The following C2orf76 variants were observed in gnomAD, a reference collection of about 807,000 sequenced individuals.
C2orf76 encodes the protein UPF0538 protein C2orf76.
Under a neutral mutation model 16.9 loss-of-function variants are expected in C2orf76, and 23 were observed. The observed-to-expected ratio is 1.36, with a 90% CI of 0.98 to 1.93. The LOEUF (loss-of-function observed/expected upper bound fraction) is 1.93. Ranked by LOEUF, C2orf76 falls within the 30% of genes most tolerant of loss-of-function variation. C2orf76 has a pLI of 0.00. For synonymous variants in C2orf76, 48 were observed against 52.3 expected (o/e 0.92, Z 0.35); for missense variants, 152 against 152.6 (o/e 1.00, Z 0.02).
At chr2:119,309,189 G>A (rs534595960) in intron 5 of C2orf76, among the ~76,000 whole-genome samples, 1 of 152,112 alleles carries the variant, frequency 6.6e-6, no homozygotes, top group African/African-American at 2.4e-5. Flanking sequence ...ACTGCACCTG[G>A]CCCCAGACTA....
chr2:119,289,646 A>C, the C2orf76 span, among the ~76,000 whole-genome samples: 5 of 151,322 alleles, frequency 3.3e-5, no homozygotes, highest in Admixed American at 2.6e-4. Context: ...AGATCGTACC[A>C]CTGCACTCCA....
At chr2:119,354,607 C>A (rs1232957027) in intron 1 of C2orf76, among the ~76,000 whole-genome samples, 2 of 152,158 alleles carry the variant, frequency 1.3e-5, no homozygotes, top group East Asian at 3.8e-4. Context: ...AACTTCTTGG[C>A]ATTTTTTTGT....
intron 4 of C2orf76, among the ~76,000 whole-genome samples, chr2:119,312,063 G>A (rs1022134466): frequency 6.6e-6 from 1 of 152,130 alleles, no homozygotes; most frequent in African/African-American, 2.4e-5. Flanking sequence ...CTGTGGTAAG[G>A]GTGACAGGAT....
intron 5 of C2orf76, among the ~76,000 whole-genome samples, chr2:119,306,703 G>A (rs938631967): frequency 4.6e-5 from 7 of 152,018 alleles, no homozygotes; most frequent in African/African-American, 1.7e-4. Flanking sequence ...AAAATTATAA[G>A]TAACATTTCT....
At chr2:119,361,093 T>C (rs539587918) in intron 1 of C2orf76, among the ~76,000 whole-genome samples, 8 of 152,320 alleles carry the variant, frequency 5.3e-5, no homozygotes, top group East Asian at 1.9e-4. Flanking sequence ...ATGTATTCTA[T>C]ATGGTTTTGC....
At chr2:119,284,880 T>C in the C2orf76 span, among the ~76,000 whole-genome samples, 2 of 152,180 alleles carry the variant, frequency 1.3e-5, no homozygotes, top group Admixed American at 6.5e-5. Flanking sequence ...ATAGGTAGCA[T>C]AAGGTGAAAA....
rs548696396 is a variant in C2orf76, at chr2:119,319,234, T to C, written c.185-1731A>G. 7.9e-5 allele frequency among the ~76,000 whole-genome samples: 12 copies of C among 152,246 alleles called. No individual in the cohort carries two copies. In the South Asian group the frequency reaches 1.0e-3, roughly 13 times the overall value. ...TCTAATAGGTTTGGCAAACACACAA[T>C]TAAACGGCTACATATTTTAGCAGAA... is the stretch of plus-strand genomic sequence containing the variant. On this transcript the variant is annotated intron_variant, in intron 3 of 5. Transcript: ENST00000334816.
the C2orf76 span, among the ~76,000 whole-genome samples, chr2:119,293,331 A>C: frequency 6.6e-6 from 1 of 152,230 alleles, no homozygotes; most frequent in Non-Finnish European, 1.5e-5. Context: ...ACCATGCAAA[A>C]AATGTAGAAA....
intron 2 of C2orf76, among the ~76,000 whole-genome samples, chr2:119,322,065 T>C (rs72829475): frequency 6.6e-6 from 1 of 152,270 alleles, no homozygotes; most frequent in Non-Finnish European, 1.5e-5. Flanking sequence ...CCAGTACTAA[T>C]TTTAATTAAT....
chr2:119,347,451 G>A (rs866188297), intron 1 of C2orf76, among the ~76,000 whole-genome samples: 10 of 152,142 alleles, frequency 6.6e-5, no homozygotes, highest in African/African-American at 1.7e-4. Flanking sequence ...CTGTTTATAT[G>A]ATATTATGGT....
chr2:119,323,142 A>T (rs1679399614), intron 2 of C2orf76, among the ~76,000 whole-genome samples: 1 of 151,676 alleles, frequency 6.6e-6, no homozygotes, highest in Non-Finnish European at 1.5e-5. Flanking sequence ...TCAGCCTCCC[A>T]AGTAGCTGGG....
At chr2:119,305,047 G>T (rs951144615) in intron 5 of C2orf76, among the ~76,000 whole-genome samples, 2 of 152,164 alleles carry the variant, frequency 1.3e-5, no homozygotes, top group East Asian at 1.9e-4. Context: ...TGCTGCAGGC[G>T]GCAGTGCAGT....
chr2:119,298,188 C>T (rs190577668), downstream of C2orf76, among the ~76,000 whole-genome samples: 2 of 152,172 alleles, frequency 1.3e-5, no homozygotes, highest in African/African-American at 4.8e-5. Context: ...AGAAGGCCTT[C>T]TCTACCCCAA....
chr2:119,340,717 T>G (rs1375907929), intron 1 of C2orf76, among the ~76,000 whole-genome samples: 1 of 148,616 alleles, frequency 6.7e-6, no homozygotes, highest in East Asian at 2.0e-4. Context: ...GAGTCAGGAT[T>G]CAAGCATCAA....
chr2:119,323,547 C>G (rs1319626979), intron 2 of C2orf76, among the ~76,000 whole-genome samples: 1 of 152,042 alleles, frequency 6.6e-6, no homozygotes, highest in African/African-American at 2.4e-5. Flanking sequence ...TGGTCCTCAC[C>G]CCGGCTGCAC....
chr2:119,337,080 C>G (rs1679873172), intron 2 of C2orf76, among the ~76,000 whole-genome samples: 1 of 149,634 alleles, frequency 6.7e-6, no homozygotes, highest in African/African-American at 2.5e-5. Context: ...TTTTGAGACA[C>G]AGGCTTGCTC....
At chr2:119,301,798 C>CT (rs1241680403), downstream of C2orf76, among the ~76,000 whole-genome samples, 5 of 151,980 alleles carry the variant, frequency 3.3e-5, no homozygotes, top group Non-Finnish European at 7.4e-5. Context: ...CTGCCGCTTC[C>CT]TCTCTCCAAA....
intron 2 of C2orf76, among the ~76,000 whole-genome samples, chr2:119,327,983 TA>T (rs1255634468): frequency 6.6e-6 from 1 of 152,168 alleles, no homozygotes; most frequent in Non-Finnish European, 1.5e-5. Context: ...GGTATCAGGG[TA>T]AGGATGACCT....
At chr2:119,353,783 G>A (rs141308162) in intron 1 of C2orf76, among the ~76,000 whole-genome samples, 22 of 151,998 alleles carry the variant, frequency 1.4e-4, no homozygotes, top group African/African-American at 5.1e-4. Flanking sequence ...GGCTAGTCTC[G>A]AACTCCTGAT....
Sources: gnomAD v4.1 joint callset for allele counts (sites outside exome capture counted in the v4.1 genomes callset) on GRCh38, gnomAD v4.1.1 for gene constraint, MANE v1.5 for transcripts, NCBI Gene and HGNC (gene_info 2026-07-23, HGNC 2026-07-21) for gene names.